The following TTC3 variants were observed in gnomAD, a reference collection of about 807,000 sequenced individuals.
TTC3 encodes tetratricopeptide repeat domain 3, also known as E3 ubiquitin-protein ligase TTC3.
Under a neutral mutation model 249.6 loss-of-function variants are expected in TTC3, and 180 were observed. That is an observed-to-expected ratio of 0.72 (90% confidence interval 0.64 to 0.82). The LOEUF is 0.82. Ranked by LOEUF, TTC3 falls within the 40% of genes least tolerant of loss-of-function variation. The pLI is 0.00. For synonymous variants in TTC3, 717 were observed against 805.0 expected (o/e 0.89, Z 1.85); for missense variants, 2,061 against 2,398.4 (o/e 0.86, Z 2.94).
intron 36 of TTC3, 118 bp from the exon 37 acceptor site, chr21:37,185,588 A>C (rs1025014124): frequency 2.0e-6 from 1 of 491,152 alleles, no homozygotes. Flanking sequence ...AAAATGTAAA[A>C]ATATATATAT....
intron 34 of TTC3, among the ~76,000 whole-genome samples, chr21:37,168,339 A>C (rs2081425937): frequency 1.3e-5 from 2 of 152,180 alleles, no homozygotes; most frequent in East Asian, 3.8e-4. Context: ...AGGAGATGTG[A>C]GTATCATTAT....
intron 41 of TTC3, chr21:37,194,312 ACT>A (rs1044571118): frequency 2.0e-5 from 3 of 152,276 alleles, no homozygotes; most frequent in Non-Finnish European, 4.4e-5. Context: ...TAAATTGCAC[ACT>A]GTTTTGAGTA....
rs191794020 is a variant in TTC3 at position 37,170,712 on chromosome 21, T to A, written c.4468-1883T>A. ...GTAGGAAGAAGGTCAGAGCTTGTGT[T>A]TCCTGCTGCTATTTGTACAAATAGT... On this transcript the variant is annotated intron_variant, in intron 34 of 45. Coordinates refer to ENST00000355666, the Ensembl canonical transcript of TTC3. 1.6e-3 allele frequency among the ~76,000 whole-genome samples: 237 copies of A among 152,338 alleles called. 5 individuals carry two copies. Among genetic ancestry groups the A allele is most frequent in the Admixed American group, 2.7e-3 (42 of 15,300 alleles).
chr21:37,172,399 ATTATAT>A (rs1188849433), intron 34 of TTC3, among the ~76,000 whole-genome samples, 190 bp from the exon 35 acceptor site: 1 of 152,222 alleles, frequency 6.6e-6, no homozygotes, highest in Admixed American at 6.5e-5. Context: ...AATATGAATG[ATTATAT>A]TTATAAAAGT....
chr21:37,154,829 G>A (rs191989861), intron 27 of TTC3, among the ~76,000 whole-genome samples: 42 of 152,228 alleles, frequency 2.8e-4, no homozygotes, highest in African/African-American at 1.0e-3. Flanking sequence ...CCGAGCAGCT[G>A]GTACTACAGG....
chr21:37,192,093 C>G lies in TTC3; in HGVS notation c.5116-19C>G. 1 of 1,514,204 alleles carries G rather than the reference C, an allele frequency of 6.6e-7. No individual in the cohort carries two copies. The highest frequency in any genetic ancestry group is 9.1e-7 in the Non-Finnish European group (1 of 1,103,924). The allele number at this position is 1,514,204 out of a possible 1,614,324, so 93.8% of individuals were successfully genotyped here. A position where few individuals can be genotyped will look rare whatever the true frequency, so the allele number is the denominator to read the frequency against. On this transcript the variant is annotated intron_variant, in intron 40 of 45. Transcript: ENST00000355666. ...AATTGACAATTGTGGTTTTCCCACA[C>G]TTTACTTTCTACTCACAGTCTCAGT...
rs181204193 is a variant in TTC3 at position 37,196,976 on chromosome 21, C to T, written c.5580-594C>T. Among the ~76,000 whole-genome samples the T allele has an allele frequency of 2.3e-4, 35 of 152,262 alleles. No homozygotes were observed. The East Asian group carries it at 5.8e-3, about 25-fold the overall frequency. ...CTGGTTTCCGCTGTTCAGGTTGTTA[C>T]GAGGGGGACAGAGTTGCCTCTTGTC... On this transcript the variant is annotated intron_variant, in intron 42 of 45. Coordinates refer to ENST00000355666, the Ensembl canonical transcript of TTC3.
intron 11 of TTC3, among the ~76,000 whole-genome samples, chr21:37,111,694 C>A (rs371548190): frequency 6.6e-6 from 1 of 152,064 alleles, no homozygotes; most frequent in Non-Finnish European, 1.5e-5. Flanking sequence ...CTGCACCAAG[C>A]GGACCTAATA....
chr21:37,129,557 G>GT (rs1181781120), intron 16 of TTC3, among the ~76,000 whole-genome samples: 1 of 152,158 alleles, frequency 6.6e-6, no homozygotes, highest in Non-Finnish European at 1.5e-5. Context: ...CTTTCCTAAT[G>GT]AATTCTGACT....
chr21:37,183,235 G>A (rs564907604), intron 36 of TTC3, among the ~76,000 whole-genome samples: 1 of 152,244 alleles, frequency 6.6e-6, no homozygotes, highest in South Asian at 2.1e-4. Flanking sequence ...AGCAAAACAT[G>A]GGGGCTGGTC....
At chr21:37,186,913 G>T (rs2083357596) in intron 37 of TTC3, 136 bp from the exon 38 acceptor site, 1 of 559,368 alleles carries the variant, frequency 1.8e-6, no homozygotes, top group African/African-American at 2.0e-5. Flanking sequence ...AGTAAAATAT[G>T]AGATGAGAAA....
At chr21:37,141,282 C>A (rs1480643680) in intron 20 of TTC3, among the ~76,000 whole-genome samples, 1 of 152,030 alleles carries the variant, frequency 6.6e-6, no homozygotes, top group Non-Finnish European at 1.5e-5. Flanking sequence ...CCACTTGTAC[C>A]CAATATAGAG....
chr21:37,187,622 A>C (rs1462810887), intron 38 of TTC3: 1 of 152,380 alleles, frequency 6.6e-6, no homozygotes, highest in Non-Finnish European at 1.5e-5. Flanking sequence ...CAAAATTATG[A>C]CATCTGGCTG....
At chr21:37,165,785 G>A in exon 33 of TTC3, 1 of 1,613,898 alleles carries the variant, frequency 6.2e-7, no homozygotes, top group Middle Eastern at 1.6e-4. Context: ...TAAAACAAAA[G>A]TAGAAGAAAT....
At chr21:37,199,339 G>A (rs73204075) in intron 44 of TTC3, among the ~76,000 whole-genome samples, 1,557 of 152,348 alleles carry the variant, frequency 0.01, 16 homozygotes, top group Non-Finnish European at 0.016. Flanking sequence ...TGCCTTCAAG[G>A]CGCTCAGAGT....
intron 28 of TTC3, chr21:37,157,155 T>C: frequency 7.1e-7 from 1 of 1,405,294 alleles, no homozygotes; most frequent in Non-Finnish European, 9.5e-7. Context: ...GTTCTTCCCG[T>C]CTTAGATATT....
intron 35 of TTC3, among the ~76,000 whole-genome samples, chr21:37,182,301 G>A (rs1257476502): frequency 6.6e-6 from 1 of 152,194 alleles, no homozygotes; most frequent in Non-Finnish European, 1.5e-5. Flanking sequence ...ACGGTAACTA[G>A]CATTGTCTCC....
intron 34 of TTC3, among the ~76,000 whole-genome samples, chr21:37,170,395 T>G (rs2081652606): frequency 6.6e-6 from 1 of 152,128 alleles, no homozygotes; most frequent in Non-Finnish European, 1.5e-5. Flanking sequence ...CCACTTGAAA[T>G]AGGAAAAGCA....
rs549839377 is a variant in TTC3 at position 37,182,660 on chromosome 21, A to G, written c.4618-114A>G. ...GGGCGCCAGCTTGGGAGTGTGTTCCACTGAACTTAGGTCATTGTTTAAGCT... is the reference window on the plus strand; with the variant it reads ...GGGCGCCAGCTTGGGAGTGTGTTCCGCTGAACTTAGGTCATTGTTTAAGCT... On this transcript the variant is annotated intron_variant, in intron 35 of 45. Transcript: ENST00000355666. 2.1e-5 allele frequency: 23 copies of G among 1,117,960 alleles called. 1 individual carries two copies. The South Asian group carries it at 3.5e-4, about 17-fold the overall frequency. The allele number at this position is 1,117,960 out of a possible 1,614,324, so 69.3% of individuals were successfully genotyped here.
Sources: allele counts gnomAD v4.1 joint callset (sites outside exome capture counted in the v4.1 genomes callset), GRCh38; gene constraint gnomAD v4.1.1; transcripts MANE v1.5; gene names NCBI Gene and HGNC (gene_info 2026-07-23, HGNC 2026-07-21).